The following TRPC4AP variants were observed in gnomAD, a reference collection of about 807,000 sequenced individuals.
The protein encoded by TRPC4AP is transient receptor potential cation channel subfamily C member 4 associated protein, also known as short transient receptor potential channel 4-associated protein.
Under a neutral mutation model 99.0 loss-of-function variants are expected in TRPC4AP, and 45 were observed. The ratio of observed to expected loss-of-function variants is 0.45; its 90% CI spans 0.36 to 0.58. TRPC4AP has a LOEUF of 0.58. Ranked by LOEUF, TRPC4AP falls within the 20% of genes least tolerant of loss-of-function variation. The probability of loss-of-function intolerance (pLI) is 0.00; values close to 1 mark genes in which losing one functional copy is unlikely to be tolerated. For missense variants in TRPC4AP, 879 were observed against 985.3 expected (o/e 0.89, Z 1.44); for synonymous variants, 408 against 385.8 (o/e 1.06, Z -0.67).
intron 4 of TRPC4AP, among the ~76,000 whole-genome samples, chr20:35,055,408 A>G (rs1162464011): frequency 1.3e-5 from 2 of 152,248 alleles, no homozygotes; most frequent in Non-Finnish European, 2.9e-5. Context: ...CCACAAATGA[A>G]CAACTTAATA....
chr20:35,072,788 ACTTTAAAG>A (rs2145999842), intron 2 of TRPC4AP, among the ~76,000 whole-genome samples: 1 of 152,220 alleles, frequency 6.6e-6, no homozygotes, highest in South Asian at 2.1e-4. Context: ...TTCCATATGA[ACTTTAAAG>A]TAGTTTTTTC....
chr20:35,092,801 AG>A lies in TRPC4AP; in HGVS notation c.-21del. ...CGCCATGTCTCCTCGTCGGACAAAC[AG>A]GAAGCAAGCGGCCTCGGGGCCGCGG... On this transcript the variant is annotated 5_prime_UTR_variant, in exon 1 of 19. Transcript: ENST00000252015. The A allele has an allele frequency of 6.6e-7, 1 of 1,507,882 alleles. No individual in the cohort carries two copies. The allele number at this position is 1,507,882 out of a possible 1,614,324, so 93.4% of individuals were successfully genotyped here. A position where few individuals can be genotyped will look rare whatever the true frequency, so the allele number is the denominator to read the frequency against.
intron 7 of TRPC4AP, among the ~76,000 whole-genome samples, chr20:35,035,608 A>G (rs149020450): frequency 8.7e-4 from 133 of 152,360 alleles, no homozygotes; most frequent in African/African-American, 3.0e-3. Flanking sequence ...GGAATTTACC[A>G]TAACGAAATA....
At position 35,034,001 on chromosome 20, in the gene TRPC4AP, C is replaced by T. The variant is rs1457305001; in HGVS notation, c.1051+1122G>A. On this transcript the variant is annotated intron_variant, in intron 8 of 18. Transcript: ENST00000252015. The stretch of plus-strand genomic sequence containing the variant: ...TCTACTAAAAATACAAAAAATTAGC[C>T]GGGCGCGGTGGCGGGCGCCTGTAGT... Among the ~76,000 whole-genome samples the T allele has an allele frequency of 7.5e-5, 4 of 53,352 alleles. 2 individuals are homozygous for T. The highest frequency in any genetic ancestry group is 1.5e-4 in the Non-Finnish European group (4 of 26,150). The allele number at this position is 53,352 out of a possible 152,430, so 35.0% of individuals were successfully genotyped here.
chr20:35,068,438 T>C (rs564402660), intron 3 of TRPC4AP, among the ~76,000 whole-genome samples: 3 of 152,294 alleles, frequency 2.0e-5, no homozygotes, highest in South Asian at 4.1e-4. Context: ...ACTGCAACCT[T>C]GTCTGTAAGA....
At chr20:35,006,112 C>A (rs558016419) in intron 15 of TRPC4AP, among the ~76,000 whole-genome samples, 1 of 152,166 alleles carries the variant, frequency 6.6e-6, no homozygotes, top group African/African-American at 2.4e-5. Context: ...CACACACACT[C>A]GGTGAGCCTA....
intron 8 of TRPC4AP, among the ~76,000 whole-genome samples, chr20:35,024,050 T>G (rs535571121): frequency 6.6e-6 from 1 of 152,064 alleles, no homozygotes; most frequent in South Asian, 2.1e-4. Context: ...CCCCTGAGTC[T>G]CTTCAGCTCT....
chr20:35,008,048 C>G (rs951110701), intron 13 of TRPC4AP, among the ~76,000 whole-genome samples: 1 of 152,208 alleles, frequency 6.6e-6, no homozygotes, highest in African/African-American at 2.4e-5. Context: ...AGACGATGGG[C>G]TGGCCTAGGG....
chr20:35,042,841 T>C (rs2083471366), intron 7 of TRPC4AP, among the ~76,000 whole-genome samples: 1 of 152,196 alleles, frequency 6.6e-6, no homozygotes, highest in Admixed American at 6.5e-5. Flanking sequence ...TTTTAAGTAA[T>C]ATATTTACAC....
At chr20:35,030,990 T>C (rs541070105) in intron 8 of TRPC4AP, among the ~76,000 whole-genome samples, 1 of 152,368 alleles carries the variant, frequency 6.6e-6, no homozygotes, top group East Asian at 1.9e-4. Flanking sequence ...CTGTTACTAA[T>C]GAGTTCTTTC....
intron 16 of TRPC4AP, 123 bp from the exon 17 acceptor site, chr20:35,004,693 T>C (rs2082480331): frequency 8.0e-6 from 6 of 754,296 alleles, no homozygotes; most frequent in Non-Finnish European, 1.3e-5. Flanking sequence ...TCAAAACAGC[T>C]TCAACGAAAG....
intron 8 of TRPC4AP, among the ~76,000 whole-genome samples, chr20:35,032,039 A>G (rs959522015): frequency 6.6e-6 from 1 of 152,116 alleles, no homozygotes; most frequent in African/African-American, 2.4e-5. Flanking sequence ...CCAGGTGTGC[A>G]CCACCATGGC....
intron 1 of TRPC4AP, among the ~76,000 whole-genome samples, chr20:35,083,822 G>A (rs1311276975): frequency 6.6e-5 from 10 of 151,768 alleles, no homozygotes; most frequent in Admixed American, 1.3e-4. Context: ...TAAAACATGA[G>A]AAAAGAAAGA....
chr20:35,035,829 G>GAAAGAC (rs1281465807), intron 7 of TRPC4AP, among the ~76,000 whole-genome samples: 1 of 151,874 alleles, frequency 6.6e-6, no homozygotes, highest in Non-Finnish European at 1.5e-5. Flanking sequence ...ACTTGTTAGA[G>GAAAGAC]AGTAAATTAT....
intron 1 of TRPC4AP, among the ~76,000 whole-genome samples, chr20:35,084,511 C>CGTATGT (rs2084751073): frequency 7.4e-6 from 1 of 135,390 alleles, no homozygotes; most frequent in Non-Finnish European, 1.6e-5. Flanking sequence ...TATGTATATA[C>CGTATGT]GTATATATGT....
At chr20:35,089,829 G>C (rs1315127865) in intron 1 of TRPC4AP, among the ~76,000 whole-genome samples, 2 of 152,114 alleles carry the variant, frequency 1.3e-5, no homozygotes, top group Non-Finnish European at 2.9e-5. Context: ...CTGGGCAACA[G>C]AGCGAGACTC....
chr20:35,012,183 T>G (rs1487301701), intron 11 of TRPC4AP, among the ~76,000 whole-genome samples: 1 of 152,228 alleles, frequency 6.6e-6, no homozygotes, highest in Non-Finnish European at 1.5e-5. Flanking sequence ...CCGGAAAACC[T>G]CTCACAGAGG....
At chr20:35,035,073 G>A in intron 8 of TRPC4AP, 50 bp downstream of exon 8, 1 of 1,552,770 alleles carries the variant, frequency 6.4e-7, no homozygotes, top group South Asian at 1.2e-5. Context: ...AATGGTCCCA[G>A]GCGCCCAAGG....
chr20:35,021,361 C>A lies in TRPC4AP; in HGVS notation c.1052-5G>T. 1 of 1,612,800 alleles carries A rather than the reference C, an allele frequency of 6.2e-7. No homozygotes were observed. Among genetic ancestry groups the A allele is most frequent in the Non-Finnish European group, 8.5e-7 (1 of 1,179,170 alleles). On this transcript the variant is annotated splice_polypyrimidine_tract_variant and splice_region_variant and intron_variant, in intron 8 of 18. Transcript: ENST00000252015. ...GAGGAGGGAACACAATGGAGGCTGA[C>A]ACAGCCACCGGAGACAGGATTGAGT...
Sources: gnomAD v4.1 joint callset for allele counts (sites outside exome capture counted in the v4.1 genomes callset) on GRCh38, gnomAD v4.1.1 for gene constraint, MANE v1.5 for transcripts, NCBI Gene and HGNC (gene_info 2026-07-23, HGNC 2026-07-21) for gene names.